Variants in SLC44A5 observed in about 807,000 individuals in gnomAD.
The protein encoded by SLC44A5 is solute carrier family 44 member 5, also known as choline transporter-like protein 5.
In SLC44A5, 57 loss-of-function variants were observed where a neutral mutation model predicts 101.8. The observed-to-expected ratio is 0.56, with a 90% CI of 0.45 to 0.70. SLC44A5 has a LOEUF of 0.70. Ranked by LOEUF, SLC44A5 falls within the 30% of genes least tolerant of loss-of-function variation. The pLI, the probability that SLC44A5 is intolerant of heterozygous loss-of-function variation, is 0.00. For missense variants in SLC44A5, 737 were observed against 853.1 expected, an observed-to-expected ratio of 0.86 and a Z score of 1.70; for synonymous variants, 281 against 290.9, an observed-to-expected ratio of 0.97 and a Z score of 0.35.
At chr1:75,538,123 A>G (rs1460965035) in intron 2 of SLC44A5, 3 of 152,360 alleles carry the variant, frequency 2.0e-5, no homozygotes, top group Admixed American at 6.5e-5. Flanking sequence ...CCACTACAGG[A>G]GTGAGACCAA....
At chr1:75,582,122 A>C in intron 1 of SLC44A5, 1 of 739,650 alleles carries the variant, frequency 1.4e-6, no homozygotes, top group South Asian at 1.4e-5. Context: ...ACCACACCAC[A>C]CACAACTGGT....
chr1:75,548,580 T>C (rs1671776085), intron 1 of SLC44A5, among the ~76,000 whole-genome samples: 1 of 152,130 alleles, frequency 6.6e-6, no homozygotes, highest in Non-Finnish European at 1.5e-5. Flanking sequence ...AATGCCATTC[T>C]GTCTAAAAGG....
chr1:75,626,899 G>T, the SLC44A5 span, among the ~76,000 whole-genome samples: 1 of 151,900 alleles, frequency 6.6e-6, no homozygotes, highest in African/African-American at 2.4e-5. Context: ...AAAGTTCTCC[G>T]CTACCTGGCA....
chr1:75,454,609 C>G (rs977225852), intron 2 of SLC44A5, among the ~76,000 whole-genome samples: 1 of 151,570 alleles, frequency 6.6e-6, no homozygotes, highest in Non-Finnish European at 1.5e-5. Flanking sequence ...ACTCTCTCCC[C>G]ACAGATAATA....
chr1:75,666,189 T>C, the SLC44A5 span, among the ~76,000 whole-genome samples: 5 of 152,266 alleles, frequency 3.3e-5, no homozygotes, highest in East Asian at 9.7e-4. Context: ...ATTGCAGCAC[T>C]ATCACAATAG....
At chr1:75,588,604 T>C (rs1376424241) in intron 1 of SLC44A5, among the ~76,000 whole-genome samples, 1 of 152,164 alleles carries the variant, frequency 6.6e-6, no homozygotes, top group Non-Finnish European at 1.5e-5. Context: ...TAGATGTTTT[T>C]TAAAATTTTT....
Position 75,381,885 on chromosome 1 carries a change from G to A in SLC44A5, c.52+14698C>T, listed in dbSNP as rs1257911442. Among the ~76,000 whole-genome samples, 5 of 79,494 alleles carry A rather than the reference G, an allele frequency of 6.3e-5. 2 individuals are homozygous for A. Among genetic ancestry groups the A allele is most frequent in the African/African-American group, 1.7e-4 (2 of 11,912 alleles). The allele number at this position is 79,494 out of a possible 152,430, so 52.2% of individuals were successfully genotyped here. A position where few individuals can be genotyped will look rare whatever the true frequency, so the allele number is the denominator to read the frequency against. The stretch of plus-strand genomic sequence containing the variant: ...TGGGATTAATTGCAGTCACAGCTAC[G>A]GCTGCTGTAGCAGGAGTTGCATTGC... On this transcript the variant is annotated intron_variant, in intron 3 of 23. Coordinates refer to ENST00000370859, the MANE Select transcript of SLC44A5 (RefSeq NM_001130058.2).
At chr1:75,309,081 T>G (rs1445759842) in intron 4 of SLC44A5, among the ~76,000 whole-genome samples, 1 of 152,200 alleles carries the variant, frequency 6.6e-6, no homozygotes, top group African/African-American at 2.4e-5. Context: ...TTATAAAGAT[T>G]GAAAACACTG....
In SLC44A5 at chr1:75,528,526, T is replaced by C. The variant is rs932103300; in HGVS notation, c.13+12909A>G. Among the ~76,000 whole-genome samples the C allele has an allele frequency of 3.5e-4, 53 of 152,302 alleles. 1 individual carries two copies. Among genetic ancestry groups the C allele is most frequent in the African/African-American group, 1.2e-3 (50 of 41,568 alleles). On this transcript the variant is annotated intron_variant, in intron 2 of 23. Transcript: ENST00000370859. ...GTGAAGAATGTTATCATTTGTCAAATGCAGGCAAACATCTTCTTCTATGAA... is the reference window on the plus strand; with the variant it reads ...GTGAAGAATGTTATCATTTGTCAAACGCAGGCAAACATCTTCTTCTATGAA...
chr1:75,427,524 T>G (rs1314984292), intron 2 of SLC44A5, among the ~76,000 whole-genome samples: 1 of 152,194 alleles, frequency 6.6e-6, no homozygotes, highest in Non-Finnish European at 1.5e-5. Flanking sequence ...ACACTCAGAA[T>G]TTTCCTAGAA....
intron 22 of SLC44A5, among the ~76,000 whole-genome samples, chr1:75,212,873 A>G (rs1335951720): frequency 1.3e-5 from 2 of 152,158 alleles, no homozygotes; most frequent in Non-Finnish European, 2.9e-5. Context: ...CTTCACCCAG[A>G]TCTACACTGC....
intron 1 of SLC44A5, among the ~76,000 whole-genome samples, chr1:75,563,927 A>T (rs1016154771): frequency 9.2e-5 from 14 of 152,214 alleles, no homozygotes; most frequent in African/African-American, 3.4e-4. Flanking sequence ...CATATTAGCA[A>T]TAGAGAATAT....
intron 1 of SLC44A5, among the ~76,000 whole-genome samples, chr1:75,559,754 C>A (rs2102004643): frequency 6.6e-6 from 1 of 152,048 alleles, no homozygotes; most frequent in South Asian, 2.1e-4. Flanking sequence ...AAAGACAACC[C>A]ATAGAATGTG....
chr1:75,227,793 G>T lies in SLC44A5; in HGVS notation c.918C>A (p.Ile306=), dbSNP rs1399712984. 2 of 1,596,400 alleles carry T rather than the reference G, an allele frequency of 1.3e-6. No individual in the cohort carries two copies. Among genetic ancestry groups the T allele is most frequent in the Admixed American group, 1.8e-5 (1 of 55,208 alleles). Residue 306 remains isoleucine (I), a synonymous_variant, in exon 13 of 24, where the codon ATC becomes ATA. Transcript: ENST00000370859. ...LQERPSSVLT[I]YDIGIQTNIS... is the part of the protein sequence containing the mutation. ...TGTTAGTCTGAATCCCGATGTCATA[G>T]ATAGTTAATACAGAACTTGGGCGTT...
chr1:75,412,212 G>T (rs180941645), intron 2 of SLC44A5, among the ~76,000 whole-genome samples: 1 of 151,822 alleles, frequency 6.6e-6, no homozygotes, highest in African/African-American at 2.4e-5. Context: ...TTTAATCTTT[G>T]TATCTCCAGC....
chr1:75,598,677 G>A (rs1674794405), intron 1 of SLC44A5, among the ~76,000 whole-genome samples: 2 of 152,184 alleles, frequency 1.3e-5, no homozygotes, highest in African/African-American at 2.4e-5. Flanking sequence ...CACAGGGACA[G>A]AAAACCAAAT....
intron 4 of SLC44A5, among the ~76,000 whole-genome samples, chr1:75,327,866 C>T (rs534773057): frequency 1.3e-5 from 2 of 152,300 alleles, no homozygotes; most frequent in East Asian, 3.9e-4. Flanking sequence ...CAGTCTTTGC[C>T]TTTATGCCTC....
At chr1:75,551,274 G>T (rs1191818581) in intron 1 of SLC44A5, among the ~76,000 whole-genome samples, 2 of 152,088 alleles carry the variant, frequency 1.3e-5, no homozygotes, top group East Asian at 3.9e-4. Flanking sequence ...TATATTGACA[G>T]GGAGGGACCT....
At chr1:75,702,515 G>A in the SLC44A5 span, among the ~76,000 whole-genome samples, 1 of 151,896 alleles carries the variant, frequency 6.6e-6, no homozygotes, top group Non-Finnish European at 1.5e-5. Flanking sequence ...AATTCAAGAT[G>A]GATTAAAGAC....
Sources: gnomAD v4.1 joint callset for allele counts (sites outside exome capture counted in the v4.1 genomes callset) on GRCh38, gnomAD v4.1.1 for gene constraint, MANE v1.5 for transcripts, NCBI Gene and HGNC (gene_info 2026-07-23, HGNC 2026-07-21) for gene names.